Variants in ARHGAP42 observed in about 807,000 individuals in gnomAD.
The protein encoded by ARHGAP42 is Rho GTPase activating protein 42, also known as rho GTPase-activating protein 42.
In ARHGAP42, 63 loss-of-function variants were observed where a neutral mutation model predicts 125.0. The observed-to-expected ratio is 0.50, with a 90% CI of 0.41 to 0.62. The LOEUF (loss-of-function observed/expected upper bound fraction) is 0.62. ARHGAP42 is among the 20% of genes least tolerant of loss of function. ARHGAP42 has a pLI of 0.00. For synonymous variants in ARHGAP42, 339 were observed against 351.0 expected, an observed-to-expected ratio of 0.97 and a Z score of 0.38; for missense variants, 766 against 1,024.2, an observed-to-expected ratio of 0.75 and a Z score of 3.44.
At chr11:100,962,351 T>G in intron 15 of ARHGAP42, 58 bp from the exon 16 acceptor site, 3 of 1,382,638 alleles carry the variant, frequency 2.2e-6, no homozygotes, top group South Asian at 2.5e-5. Flanking sequence ...ACACTTAACG[T>G]TTAGGGGAGA....
intron 1 of ARHGAP42, among the ~76,000 whole-genome samples, chr11:100,729,811 CTTT>C (rs1218377976): frequency 1.3e-4 from 17 of 133,640 alleles, no homozygotes; most frequent in Non-Finnish European, 1.3e-4. Context: ...AAATTTCTTT[CTTT>C]TTTTTTTTTT....
intron 17 of ARHGAP42, 23 bp from the exon 18 acceptor site, chr11:100,973,152 T>A: frequency 6.7e-7 from 1 of 1,492,876 alleles, no homozygotes; most frequent in Non-Finnish European, 9.0e-7. Flanking sequence ...ACTTAAGATA[T>A]TTTTGTTGCT....
At chr11:100,845,076 G>GATAT (rs148986702) in intron 3 of ARHGAP42, among the ~76,000 whole-genome samples, 4,550 of 148,460 alleles carry the variant, frequency 0.031, 133 homozygotes, top group African/African-American at 0.079. Context: ...AAGAAACTGT[G>GATAT]ATATATATAT....
At chr11:100,846,489 A>G (rs976422031) in intron 3 of ARHGAP42, among the ~76,000 whole-genome samples, 10 of 152,170 alleles carry the variant, frequency 6.6e-5, no homozygotes, top group Non-Finnish European at 1.3e-4. Context: ...CCTGTCTTCC[A>G]TATTCTTTCT....
chr11:100,850,218 A>G (rs961984599), intron 3 of ARHGAP42, among the ~76,000 whole-genome samples: 1 of 152,224 alleles, frequency 6.6e-6, no homozygotes, highest in African/African-American at 2.4e-5. Context: ...AATAGGGAAA[A>G]TAACTACTTT....
At chr11:100,787,094 C>T (rs368199990) in intron 2 of ARHGAP42, among the ~76,000 whole-genome samples, 2 of 149,912 alleles carry the variant, frequency 1.3e-5, no homozygotes, top group Non-Finnish European at 3.0e-5. Context: ...TGACTAACAC[C>T]GTGAAACCCT....
chr11:100,792,204 C>T (rs1039107761), intron 2 of ARHGAP42, among the ~76,000 whole-genome samples: 1 of 152,144 alleles, frequency 6.6e-6, no homozygotes, highest in Non-Finnish European at 1.5e-5. Flanking sequence ...TCCAAAATAG[C>T]TGTTGACAGG....
At chr11:100,698,335 G>A (rs1016915627) in intron 1 of ARHGAP42, among the ~76,000 whole-genome samples, 10 of 152,202 alleles carry the variant, frequency 6.6e-5, no homozygotes, top group Non-Finnish European at 4.4e-5. Flanking sequence ...GCTGGGTGTG[G>A]TGGTGTGCAC....
At chr11:100,962,334 TAAAG>T (rs1857976858) in intron 15 of ARHGAP42, 71 bp from the exon 16 acceptor site, 4 of 1,201,514 alleles carry the variant, frequency 3.3e-6, no homozygotes, top group Admixed American at 2.4e-5. Flanking sequence ...ACCTAATTCT[TAAAG>T]AAACACTTAA....
At chr11:100,812,432 C>T (rs1864168689) in intron 3 of ARHGAP42, among the ~76,000 whole-genome samples, 1 of 152,172 alleles carries the variant, frequency 6.6e-6, no homozygotes, top group African/African-American at 2.4e-5. Context: ...TTCTGCCTTC[C>T]AGTTGGCAGA....
chr11:100,961,703 T>C lies in ARHGAP42; in HGVS notation c.1320T>C (p.Asp440=). 3.2e-6 allele frequency: 5 copies of C among 1,550,762 alleles called. No homozygotes were observed. The highest frequency in any genetic ancestry group is 4.4e-6 in the Non-Finnish European group (5 of 1,146,284). ...NTTFSPKSPP[D]IDIDIELWDN... is the part of the protein sequence containing the mutation. The stretch of plus-strand genomic sequence containing the variant: ...TTCCAGCTCCTAAATCCCCTCCTGA[T>C]ATTGATATTGATATTGAACTGTGGG... Residue 440 remains aspartate, a synonymous_variant, in exon 15 of 24, where the codon GAT becomes GAC. Transcript: ENST00000298815.
chr11:100,905,546 A>C (rs772804460), intron 4 of ARHGAP42, among the ~76,000 whole-genome samples: 7 of 152,222 alleles, frequency 4.6e-5, no homozygotes, highest in Non-Finnish European at 7.3e-5. Flanking sequence ...TAACAATATA[A>C]TTATGGTTCA....
Position 100,992,010 on chromosome 11 carries a change from CAG to C in ARHGAP42, c.*3211_*3212del. 3.3e-6 allele frequency: 1 copy of C among 305,632 alleles called. No homozygotes were observed. The highest frequency in any genetic ancestry group is 6.0e-6 in the Non-Finnish European group (1 of 166,592). 18.9% of individuals were successfully genotyped at this position (305,632 alleles called of 1,614,324 possible). On this transcript the variant is annotated 3_prime_UTR_variant, in exon 24 of 24. Coordinates refer to ENST00000298815, the MANE Select transcript of ARHGAP42 (RefSeq NM_152432.4). ...AAAATTCACTATGTTGTGAGGCAAA[CAG>C]ATTTCTCACTATCATCCAGTGTACC...
At chr11:100,882,074 G>A (rs1865976585) in intron 4 of ARHGAP42, among the ~76,000 whole-genome samples, 2 of 152,160 alleles carry the variant, frequency 1.3e-5, no homozygotes, top group Admixed American at 1.3e-4. Flanking sequence ...TAATTTGGAT[G>A]CCCTTTACTT....
At chr11:100,760,790 G>A (rs1223619239) in intron 1 of ARHGAP42, among the ~76,000 whole-genome samples, 1 of 152,126 alleles carries the variant, frequency 6.6e-6, no homozygotes, top group African/African-American at 2.4e-5. Context: ...AAAGGAAGTT[G>A]TAAGAGCTGG....
At chr11:100,709,532 T>A (rs1417720083) in intron 1 of ARHGAP42, among the ~76,000 whole-genome samples, 1 of 152,216 alleles carries the variant, frequency 6.6e-6, no homozygotes. Context: ...TGGTTGTTTC[T>A]TTCTGGAATT....
chr11:100,989,385 A>G lies in ARHGAP42; in HGVS notation c.*584A>G, dbSNP rs2135339661. On this transcript the variant is annotated 3_prime_UTR_variant, in exon 24 of 24. Transcript: ENST00000298815. ...ATATTCAAAAGCAATAATGTATATG[A>G]TATCTATAAAGGAAGCAAAATTAAG... 2.9e-6 allele frequency: 1 copy of G among 343,282 alleles called. No individual in the cohort carries two copies. The highest frequency in any genetic ancestry group is 5.2e-6 in the Non-Finnish European group (1 of 192,382). The allele number at this position is 343,282 out of a possible 1,614,324, so 21.3% of individuals were successfully genotyped here.
intron 16 of ARHGAP42, among the ~76,000 whole-genome samples, chr11:100,964,453 C>G (rs1858038259): frequency 6.6e-6 from 1 of 152,140 alleles, no homozygotes; most frequent in African/African-American, 2.4e-5. Context: ...ATTCCAATTG[C>G]TAGGTTAGAC....
chr11:100,919,464 A>G (rs1867174060), intron 5 of ARHGAP42, among the ~76,000 whole-genome samples: 1 of 152,080 alleles, frequency 6.6e-6, no homozygotes, highest in Non-Finnish European at 1.5e-5. Flanking sequence ...TTTTCTGCAT[A>G]GTTCCATTGA....
Sources: allele counts gnomAD v4.1 joint callset (sites outside exome capture counted in the v4.1 genomes callset), GRCh38; gene constraint gnomAD v4.1.1; transcripts MANE v1.5; gene names NCBI Gene and HGNC (gene_info 2026-07-23, HGNC 2026-07-21).